CELF2: variants seen among roughly 807,000 people sequenced by gnomAD.
CELF2 encodes the protein CUG triplet repeat RNA-binding protein 2.
In CELF2, 8 loss-of-function variants were observed where a neutral mutation model predicts 62.6. The ratio of observed to expected loss-of-function variants is 0.13; its 90% CI spans 0.07 to 0.23. CELF2 has a LOEUF of 0.23. Ranked by LOEUF, CELF2 falls within the 10% of genes least tolerant of loss-of-function variation. The probability of loss-of-function intolerance (pLI) is 1.00; values close to 1 mark genes in which losing one functional copy is unlikely to be tolerated. For missense variants in CELF2, 333 were observed against 671.0 expected (o/e 0.50, Z 5.56); for synonymous variants, 258 against 250.0 (o/e 1.03, Z -0.30).
chr10:10,864,196 C>A (rs1235766698), intron 1 of CELF2, among the ~76,000 whole-genome samples: 3 of 152,084 alleles, frequency 2.0e-5, no homozygotes, highest in Non-Finnish European at 4.4e-5. Context: ...AGCTCTGCCA[C>A]CAACCAACTT....
At chr10:11,062,210 A>G (rs539406113) in intron 1 of CELF2, among the ~76,000 whole-genome samples, 8 of 152,364 alleles carry the variant, frequency 5.3e-5, no homozygotes, top group Admixed American at 3.3e-4. Flanking sequence ...CTTGTCATCC[A>G]AGAGCTTTCG....
At chr10:11,133,105 A>G (rs1756331841) in intron 1 of CELF2, among the ~76,000 whole-genome samples, 1 of 152,242 alleles carries the variant, frequency 6.6e-6, no homozygotes, top group Non-Finnish European at 1.5e-5. Context: ...TCTACTTTAG[A>G]ACGCTAGCAT....
At chr10:10,585,507 G>A in the CELF2 span, among the ~76,000 whole-genome samples, 1 of 152,164 alleles carries the variant, frequency 6.6e-6, no homozygotes, top group Admixed American at 6.5e-5. Flanking sequence ...AGCTGATTGT[G>A]TTAGAATGAA....
chr10:10,724,655 CAAAA>C, the CELF2 span, among the ~76,000 whole-genome samples: 2 of 81,184 alleles, frequency 2.5e-5, no homozygotes, highest in African/African-American at 1.0e-4. Context: ...GACTCCGTCT[CAAAA>C]AAAAAAAAAA....
At chr10:11,083,414 C>T (rs548615239) in intron 1 of CELF2, among the ~76,000 whole-genome samples, 1 of 152,192 alleles carries the variant, frequency 6.6e-6, no homozygotes, top group East Asian at 1.9e-4. Context: ...GGGAAGAGGC[C>T]ACAACCGACT....
At chr10:10,535,209 G>T in the CELF2 span, among the ~76,000 whole-genome samples, 9 of 152,174 alleles carry the variant, frequency 5.9e-5, no homozygotes, top group African/African-American at 2.2e-4. Flanking sequence ...GGAGAGGAGA[G>T]AGTGTCAGAG....
intron 1 of CELF2, among the ~76,000 whole-genome samples, chr10:11,055,005 G>A (rs1005064370): frequency 1.1e-3 from 172 of 152,304 alleles, no homozygotes; most frequent in African/African-American, 3.7e-3. Flanking sequence ...TTGCGCCACC[G>A]CACCCGGCTT....
the CELF2 span, among the ~76,000 whole-genome samples, chr10:10,680,642 T>G: frequency 1.3e-5 from 2 of 152,204 alleles, no homozygotes; most frequent in East Asian, 1.9e-4. Context: ...CAAAAATCAC[T>G]TGGATAGCGC....
intron 1 of CELF2, among the ~76,000 whole-genome samples, chr10:11,085,735 C>G (rs1443338084): frequency 6.6e-6 from 1 of 152,186 alleles, no homozygotes; most frequent in Admixed American, 6.5e-5. Flanking sequence ...TTGTCCCCAC[C>G]TCCCCATCTG....
chr10:10,607,473 C>T, the CELF2 span, among the ~76,000 whole-genome samples: 1 of 152,072 alleles, frequency 6.6e-6, no homozygotes, highest in African/African-American at 2.4e-5. Flanking sequence ...TGTATAGAAA[C>T]CCATTCTAAA....
chr10:10,649,906 T>C, the CELF2 span, among the ~76,000 whole-genome samples: 47 of 152,282 alleles, frequency 3.1e-4, no homozygotes, highest in African/African-American at 1.1e-3. Context: ...TTCTGCCACC[T>C]TCACATCGAT....
the CELF2 span, among the ~76,000 whole-genome samples, chr10:10,633,991 A>C: frequency 6.6e-6 from 1 of 152,004 alleles, no homozygotes; most frequent in Non-Finnish European, 1.5e-5. Flanking sequence ...AAATTGTTAT[A>C]GTTATTTTAT....
chr10:11,078,405 G>C (rs1309280499), intron 1 of CELF2, among the ~76,000 whole-genome samples: 2 of 152,160 alleles, frequency 1.3e-5, no homozygotes, highest in African/African-American at 4.8e-5. Context: ...AGCTGAACGA[G>C]TTCTACCTAT....
the CELF2 span, among the ~76,000 whole-genome samples, chr10:10,518,073 G>A: frequency 6.6e-6 from 1 of 152,146 alleles, no homozygotes; most frequent in African/African-American, 2.4e-5. Flanking sequence ...GTCTCATTCA[G>A]GCTTAGCATT....
intron 1 of CELF2, among the ~76,000 whole-genome samples, chr10:10,881,138 G>T (rs984388482): frequency 6.6e-6 from 1 of 152,266 alleles, no homozygotes; most frequent in Non-Finnish European, 1.5e-5. Context: ...GCCTCACCTT[G>T]ATCAGTTGCT....
intron 2 of CELF2, among the ~76,000 whole-genome samples, chr10:11,171,766 A>G (rs1250934769): frequency 6.6e-6 from 1 of 152,244 alleles, no homozygotes; most frequent in Non-Finnish European, 1.5e-5. Flanking sequence ...GTTGCTTTAC[A>G]TATTCACTAA....
chr10:10,550,701 CTT>C, the CELF2 span, among the ~76,000 whole-genome samples: 8 of 142,410 alleles, frequency 5.6e-5, no homozygotes, highest in African/African-American at 5.1e-5. Context: ...CATGTGATGT[CTT>C]TTTTTTTTTT....
chr10:10,464,016 G>C, the CELF2 span, among the ~76,000 whole-genome samples: 1 of 150,018 alleles, frequency 6.7e-6, no homozygotes. Context: ...GCATCTTATA[G>C]AGAATGTGGC....
intron 1 of CELF2, among the ~76,000 whole-genome samples, chr10:11,069,187 G>A (rs546838281): frequency 6.6e-6 from 1 of 152,252 alleles, no homozygotes; most frequent in South Asian, 2.1e-4. Flanking sequence ...AGGTATAAAA[G>A]AAGTCAAGAA....
Sources: allele counts gnomAD v4.1 joint callset (sites outside exome capture counted in the v4.1 genomes callset), GRCh38; gene constraint gnomAD v4.1.1; transcripts MANE v1.5; gene names NCBI Gene and HGNC (gene_info 2026-07-23, HGNC 2026-07-21).